Variants in IMMP2L observed in about 807,000 individuals in gnomAD.
IMMP2L encodes the protein mitochondrial inner membrane protease subunit 2.
A neutral mutation model predicts 19.3 loss-of-function variants in IMMP2L; 18 were observed. The ratio of observed to expected loss-of-function variants is 0.93; its 90% CI spans 0.64 to 1.38. The LOEUF is 1.38. Ranked by LOEUF, IMMP2L falls within the 40% of genes most tolerant of loss-of-function variation. The pLI is 0.00. For missense variants in IMMP2L, 233 were observed against 218.2 expected, an observed-to-expected ratio of 1.07 and a Z score of -0.43; for synonymous variants, 76 against 73.0, an observed-to-expected ratio of 1.04 and a Z score of -0.21.
intron 3 of IMMP2L, among the ~76,000 whole-genome samples, chr7:111,438,269 G>A (rs1837384330): frequency 6.6e-6 from 1 of 151,612 alleles, no homozygotes; most frequent in South Asian, 2.1e-4. Flanking sequence ...CAGTCTCAAA[G>A]AATACTGTAA....
At chr7:111,519,058 T>A (rs1846115388) in intron 2 of IMMP2L, among the ~76,000 whole-genome samples, 3 of 152,122 alleles carry the variant, frequency 2.0e-5, no homozygotes. Context: ...ATCTGTATAG[T>A]TGTATAGATA....
intron 3 of IMMP2L, among the ~76,000 whole-genome samples, chr7:111,486,772 G>A (rs1274203315): frequency 2.0e-5 from 3 of 152,206 alleles, no homozygotes; most frequent in African/African-American, 7.2e-5. Flanking sequence ...GACCCAAACA[G>A]AAGCATCCAG....
intron 4 of IMMP2L, among the ~76,000 whole-genome samples, chr7:110,892,338 A>C (rs2129546218): frequency 6.6e-6 from 1 of 152,230 alleles, no homozygotes; most frequent in South Asian, 2.1e-4. Context: ...TGTATGTTCA[A>C]CCCCATTGAA....
chr7:111,486,713 G>A (rs1842685012), intron 3 of IMMP2L, among the ~76,000 whole-genome samples: 1 of 152,036 alleles, frequency 6.6e-6, no homozygotes, highest in South Asian at 2.1e-4. Flanking sequence ...TGAAATTTTT[G>A]ATCCTGACCA....
chr7:110,979,903 T>G (rs554998621), intron 3 of IMMP2L, among the ~76,000 whole-genome samples: 2 of 152,062 alleles, frequency 1.3e-5, no homozygotes, highest in African/African-American at 4.8e-5. Context: ...ATTTTACACT[T>G]TAAAAATGTA....
chr7:111,265,444 G>C (rs932717320), intron 3 of IMMP2L, among the ~76,000 whole-genome samples: 2 of 152,122 alleles, frequency 1.3e-5, no homozygotes, highest in African/African-American at 4.8e-5. Flanking sequence ...GTGATAATTT[G>C]TCAGGAGCTG....
At chr7:111,426,600 G>A (rs1224175982) in intron 3 of IMMP2L, among the ~76,000 whole-genome samples, 1 of 151,184 alleles carries the variant, frequency 6.6e-6, no homozygotes, top group African/African-American at 2.4e-5. Context: ...TCAAAGTACT[G>A]TGTAAATTGT....
intron 3 of IMMP2L, among the ~76,000 whole-genome samples, chr7:111,162,005 A>G (rs370480352): frequency 6.6e-6 from 1 of 152,102 alleles, no homozygotes; most frequent in South Asian, 2.1e-4. Context: ...GTGAGTTACC[A>G]CTTGTGTTTA....
At chr7:111,080,729 A>G (rs1795821701) in intron 3 of IMMP2L, among the ~76,000 whole-genome samples, 1 of 152,154 alleles carries the variant, frequency 6.6e-6, no homozygotes, top group Non-Finnish European at 1.5e-5. Context: ...ATATCAAACA[A>G]TTCAGTTCAA....
chr7:110,977,859 T>C (rs1404741206), intron 3 of IMMP2L, among the ~76,000 whole-genome samples: 1 of 152,050 alleles, frequency 6.6e-6, no homozygotes, highest in Non-Finnish European at 1.5e-5. Context: ...TTTTTTGCAT[T>C]AGTTTATGAG....
At chr7:111,350,668 A>T (rs1210843980) in intron 3 of IMMP2L, among the ~76,000 whole-genome samples, 1 of 152,142 alleles carries the variant, frequency 6.6e-6, no homozygotes, top group Non-Finnish European at 1.5e-5. Flanking sequence ...ATAGAATATC[A>T]ACTTTTCACT....
chr7:111,145,071 G>A (rs1215109076), intron 3 of IMMP2L, among the ~76,000 whole-genome samples: 1 of 152,056 alleles, frequency 6.6e-6, no homozygotes, highest in Non-Finnish European at 1.5e-5. Flanking sequence ...TGTAGAGTTT[G>A]GGAAAAGCAA....
chr7:110,805,016 C>T (rs1483996730), intron 5 of IMMP2L, among the ~76,000 whole-genome samples: 1 of 152,056 alleles, frequency 6.6e-6, no homozygotes, highest in African/African-American at 2.4e-5. Context: ...CAGTGATGTC[C>T]TTCACGATAC....
chr7:111,239,673 T>C (rs1309131938), intron 3 of IMMP2L, among the ~76,000 whole-genome samples: 1 of 151,934 alleles, frequency 6.6e-6, no homozygotes, highest in Non-Finnish European at 1.5e-5. Flanking sequence ...AAACTTAATC[T>C]TCTCCCACAT....
intron 5 of IMMP2L, among the ~76,000 whole-genome samples, chr7:110,821,100 C>G (rs1802989320): frequency 6.6e-6 from 1 of 152,076 alleles, no homozygotes; most frequent in African/African-American, 2.4e-5. Context: ...ACTCATTTAA[C>G]TCTTCCCAAG....
intron 3 of IMMP2L, among the ~76,000 whole-genome samples, chr7:111,114,167 T>C (rs951584737): frequency 4.0e-5 from 6 of 151,156 alleles, no homozygotes; most frequent in African/African-American, 1.2e-4. Context: ...CACACATTTT[T>C]GCCAGGAAAA....
intron 3 of IMMP2L, among the ~76,000 whole-genome samples, chr7:111,064,893 A>G (rs1794353719): frequency 6.6e-6 from 1 of 152,204 alleles, no homozygotes; most frequent in South Asian, 2.1e-4. Context: ...ACTTAGTATT[A>G]CCATGCCCTG....
intron 5 of IMMP2L, among the ~76,000 whole-genome samples, chr7:110,874,297 T>A (rs2129544173): frequency 6.6e-6 from 1 of 152,196 alleles, no homozygotes; most frequent in East Asian, 1.9e-4. Context: ...AATATATCAA[T>A]TTTGGGTAGT....
chr7:110,818,417 C>T (rs1201808473), intron 5 of IMMP2L, among the ~76,000 whole-genome samples: 10 of 151,240 alleles, frequency 6.6e-5, no homozygotes, highest in South Asian at 2.1e-4. Context: ...CAATGAGATA[C>T]CATCTCACAT....
Sources: gnomAD v4.1 joint callset for allele counts (sites outside exome capture counted in the v4.1 genomes callset) on GRCh38, gnomAD v4.1.1 for gene constraint, MANE v1.5 for transcripts, NCBI Gene and HGNC (gene_info 2026-07-23, HGNC 2026-07-21) for gene names.